The following AFF1 variants were observed in gnomAD, a reference collection of about 807,000 sequenced individuals.
The protein encoded by AFF1 is AF4/FMR2 family member 1.
AFF1 carries 48 observed loss-of-function variants against 121.7 expected under a neutral mutation model. The ratio of observed to expected loss-of-function variants is 0.39; its 90% confidence interval spans 0.31 to 0.50. The LOEUF is 0.50. Ranked by LOEUF, AFF1 falls within the 20% of genes least tolerant of loss-of-function variation. The pLI is 0.76. For missense variants in AFF1, 1,523 were observed against 1,511.7 expected (o/e 1.01, Z -0.12); for synonymous variants, 613 against 563.0 (o/e 1.09, Z -1.26).
At chr4:87,063,331 C>T (rs1218866699) in intron 4 of AFF1, among the ~76,000 whole-genome samples, 5 of 146,964 alleles carry the variant, frequency 3.4e-5, no homozygotes, top group Admixed American at 6.9e-5. Context: ...CCTCCACCTC[C>T]CAGGTTCAAG....
intron 2 of AFF1, among the ~76,000 whole-genome samples, chr4:86,996,923 T>C (rs1390532085): frequency 2.0e-5 from 3 of 151,936 alleles, no homozygotes; most frequent in Admixed American, 1.3e-4. Flanking sequence ...TTTAATTTTA[T>C]TTTTTTGAGA....
At chr4:87,006,379 C>A (rs868302663) in intron 2 of AFF1, among the ~76,000 whole-genome samples, 1 of 152,156 alleles carries the variant, frequency 6.6e-6, no homozygotes, top group African/African-American at 2.4e-5. Flanking sequence ...TTCGTTTGTG[C>A]TTCGTATAGG....
chr4:86,948,648 CTT>C, intron 2 of AFF1, 77 bp downstream of exon 2: 1 of 1,428,384 alleles, frequency 7.0e-7, no homozygotes, highest in Non-Finnish European at 9.4e-7. Flanking sequence ...TAAGTTTGGT[CTT>C]TTTCAATTTT....
intron 2 of AFF1, among the ~76,000 whole-genome samples, chr4:86,961,408 C>CT (rs1278319908): frequency 5.9e-5 from 9 of 152,186 alleles, no homozygotes; most frequent in East Asian, 3.9e-4. Flanking sequence ...GTTTAAAACT[C>CT]TGAGTTTTGG....
At chr4:86,993,060 A>G (rs775884577) in intron 2 of AFF1, among the ~76,000 whole-genome samples, 11 of 152,214 alleles carry the variant, frequency 7.2e-5, no homozygotes, top group Non-Finnish European at 1.0e-4. Context: ...TTCCTGTTTT[A>G]CATGTGACCT....
chr4:86,970,617 A>G (rs1267454466), intron 2 of AFF1, among the ~76,000 whole-genome samples: 2 of 152,216 alleles, frequency 1.3e-5, no homozygotes, highest in African/African-American at 4.8e-5. Context: ...TAGATGAAAA[A>G]TAAACATGAA....
chr4:86,968,281 T>C (rs143424042), intron 2 of AFF1, among the ~76,000 whole-genome samples: 1 of 152,294 alleles, frequency 6.6e-6, no homozygotes, highest in East Asian at 1.9e-4. Context: ...GGACAGCTGA[T>C]TATGAGCTAG....
chr4:87,085,215 C>T (rs151451), intron 5 of AFF1, among the ~76,000 whole-genome samples: 26,409 of 152,162 alleles, frequency 0.17, 2,877 homozygotes, highest in East Asian at 0.38. Flanking sequence ...TCCTCATGAA[C>T]TGGCATTCTT....
chr4:87,107,813 A>G (rs1726071110), intron 10 of AFF1, among the ~76,000 whole-genome samples: 1 of 152,240 alleles, frequency 6.6e-6, no homozygotes, highest in East Asian at 1.9e-4. Context: ...GTGTCTTCCA[A>G]TAAGACTTTA....
chr4:86,961,323 C>G (rs1722126823), intron 2 of AFF1, among the ~76,000 whole-genome samples: 1 of 152,166 alleles, frequency 6.6e-6, no homozygotes, highest in South Asian at 2.1e-4. Flanking sequence ...TTCCTTCCAT[C>G]ACCGAACCCT....
At chr4:86,986,472 C>T (rs376532731) in intron 2 of AFF1, among the ~76,000 whole-genome samples, 2 of 152,162 alleles carry the variant, frequency 1.3e-5, no homozygotes, top group African/African-American at 4.8e-5. Context: ...ATGAAATAGT[C>T]TTTCCAAAAA....
chr4:87,022,547 T>G lies in AFF1; in HGVS notation c.39-23619T>G, dbSNP rs190558828. On this transcript the variant is annotated intron_variant, in intron 2 of 20. Coordinates refer to ENST00000395146, the MANE Select transcript of AFF1 (RefSeq NM_001166693.3). ...TGTTTTCTTCCCGTGCTTACAGATA[T>G]ATATATATATATATATATATATATA... 9.2e-3 allele frequency among the ~76,000 whole-genome samples: 324 copies of G among 35,212 alleles called. 1 individual carries two copies. Among genetic ancestry groups the G allele is most frequent in the African/African-American group, 0.064 (289 of 4,524 alleles). The allele number at this position is 35,212 out of a possible 152,430, so 23.1% of individuals were successfully genotyped here. A position where few individuals can be genotyped will look rare whatever the true frequency, so the allele number is the denominator to read the frequency against.
chr4:86,970,160 C>T (rs1722843518), intron 2 of AFF1, among the ~76,000 whole-genome samples: 1 of 151,842 alleles, frequency 6.6e-6, no homozygotes, highest in Non-Finnish European at 1.5e-5. Context: ...TTGTTCTTTT[C>T]CCATAATGTG....
At chr4:86,988,723 T>C (rs1310437330) in intron 2 of AFF1, among the ~76,000 whole-genome samples, 2 of 152,146 alleles carry the variant, frequency 1.3e-5, no homozygotes, top group African/African-American at 4.8e-5. Flanking sequence ...GAAAAGAGCC[T>C]ATATAACGAA....
chr4:86,947,120 G>A (rs1339739658), intron 1 of AFF1, among the ~76,000 whole-genome samples: 1 of 152,154 alleles, frequency 6.6e-6, no homozygotes, highest in Non-Finnish European at 1.5e-5. Context: ...AGTAAGTGGT[G>A]AGGGAAGGGA....
chr4:87,011,065 T>G (rs1578054812), intron 2 of AFF1, among the ~76,000 whole-genome samples: 1 of 117,034 alleles, frequency 8.5e-6, no homozygotes, highest in Admixed American at 1.2e-4. Flanking sequence ...GGTGACAGAG[T>G]GAGACTCCGT....
At chr4:87,053,391 T>C (rs1242467892) in intron 4 of AFF1, among the ~76,000 whole-genome samples, 1 of 152,246 alleles carries the variant, frequency 6.6e-6, no homozygotes, top group African/African-American at 2.4e-5. Flanking sequence ...TTCAATAAAC[T>C]ACCAGCCTAA....
chr4:86,967,726 G>T (rs1394488959), intron 2 of AFF1, among the ~76,000 whole-genome samples: 2 of 152,040 alleles, frequency 1.3e-5, no homozygotes, highest in South Asian at 4.1e-4. Context: ...TTAATCATTG[G>T]TTTTGTCACT....
Position 87,084,285 on chromosome 4 carries a change from T to G in AFF1, c.1104+121T>G, listed in dbSNP as rs1325018503. On this transcript the variant is annotated intron_variant, in intron 5 of 20. Transcript: ENST00000395146. ...TGGGTGCGGTGGCTCATGCCTGTAA[T>G]CCTAGCACTTTGGGAGGCCAAGGTG... 8 of 1,068,150 alleles carry G rather than the reference T, an allele frequency of 7.5e-6. No homozygotes were observed. The East Asian group carries it at 2.0e-4, about 27-fold the overall frequency. The allele number at this position is 1,068,150 out of a possible 1,614,324, so 66.2% of individuals were successfully genotyped here.
Sources: gnomAD v4.1 joint callset for allele counts (sites outside exome capture counted in the v4.1 genomes callset) on GRCh38, gnomAD v4.1.1 for gene constraint, MANE v1.5 for transcripts, NCBI Gene and HGNC (gene_info 2026-07-23, HGNC 2026-07-21) for gene names.